ZNF12: variants seen among roughly 807,000 people sequenced by gnomAD.
ZNF12 encodes gonadotropin inducible transcription repressor 3.
Under a neutral mutation model 66.6 loss-of-function variants are expected in ZNF12, and 34 were observed. That is an observed-to-expected ratio of 0.51 (90% CI 0.39 to 0.68). ZNF12 has a LOEUF of 0.68. Among genes scored for constraint, ZNF12 ranks in the 30% least tolerant of loss-of-function variants. The probability of loss-of-function intolerance (pLI) is 0.00; values close to 1 mark genes in which losing one functional copy is unlikely to be tolerated. For missense variants in ZNF12, 697 were observed against 826.9 expected, an observed-to-expected ratio of 0.84 and a Z score of 1.93; for synonymous variants, 320 against 278.9, an observed-to-expected ratio of 1.15 and a Z score of -1.47.
intron 2 of ZNF12, among the ~76,000 whole-genome samples, chr7:6,704,513 G>T (rs1449246497): frequency 6.9e-6 from 1 of 144,570 alleles, no homozygotes; most frequent in African/African-American, 2.6e-5. Flanking sequence ...TGGATCACCT[G>T]AGCTCAGGAG....
At position 6,692,806 on chromosome 7, in the gene ZNF12, T is replaced by G. The variant is rs925788169; in HGVS notation, c.239-103A>C. ...ACACACGCATCTCATTGTGAGTAGA[T>G]GCTAGCTTCATGAACAGATGAAAAT... On this transcript the variant is annotated intron_variant, in intron 4 of 4. Coordinates refer to ENST00000405858, the MANE Select transcript of ZNF12 (RefSeq NM_016265.4). The surrounding 1 kb of genome is among the most constrained non-coding windows in gnomAD (Gnocchi z 5.1). 2.1e-5 allele frequency: 24 copies of G among 1,167,754 alleles called. No homozygotes were observed. The highest frequency in any genetic ancestry group is 2.6e-5 in the Non-Finnish European group (22 of 843,708). The allele number at this position is 1,167,754 out of a possible 1,614,324, so 72.3% of individuals were successfully genotyped here. A position where few individuals can be genotyped will look rare whatever the true frequency, so the allele number is the denominator to read the frequency against.
chr7:6,702,150 G>C (rs1780255018), intron 2 of ZNF12, among the ~76,000 whole-genome samples: 1 of 151,954 alleles, frequency 6.6e-6, no homozygotes, highest in Admixed American at 6.6e-5. Flanking sequence ...TGACACAGTT[G>C]ATCACCTGTC....
Position 6,690,754 on chromosome 7 carries a change from G to A in ZNF12, c.*94C>T. The A allele has an allele frequency of 7.7e-7, 1 of 1,292,582 alleles. No individual in the cohort carries two copies. The highest frequency in any genetic ancestry group is 1.0e-6 in the Non-Finnish European group (1 of 958,446). The allele number at this position is 1,292,582 out of a possible 1,614,324, so 80.1% of individuals were successfully genotyped here. Reference sequence around the variant, plus strand: ...CAAGGGGATGTCCACACTAACCTGTGTGAACTCTCTGATGTACAAGGTGTT... The same window carrying A: ...CAAGGGGATGTCCACACTAACCTGTATGAACTCTCTGATGTACAAGGTGTT... On this transcript the variant is annotated 3_prime_UTR_variant, in exon 5 of 5. Transcript: ENST00000405858.
At position 6,692,231 on chromosome 7, in the gene ZNF12, T is replaced by C; in HGVS notation, c.711A>G (p.Glu237=). 1.9e-6 allele frequency: 3 copies of C among 1,613,980 alleles called. No homozygotes were observed. The highest frequency in any genetic ancestry group is 1.1e-5 in the South Asian group (1 of 91,072). ...ATCCATTCCACTTATAGGGCTTTTC[T>C]TCCATGTGATTAACAAAAACAGTGT... ...QKDTVFVNHM[E]EKPYKWNGSE... is the part of the protein sequence containing the mutation. Residue 237 remains glutamate (E), a synonymous_variant, in exon 5 of 5, where the codon GAA becomes GAG. Coordinates refer to ENST00000405858, the MANE Select transcript of ZNF12 (RefSeq NM_016265.4). This position sits in a 1 kb window ranked among gnomAD's most constrained non-coding sequence, Gnocchi z 5.1.
Position 6,692,874 on chromosome 7 carries a change from TACACACACACAAAC to T in ZNF12, c.239-185_239-172del, listed in dbSNP as rs890920051. On this transcript the variant is annotated intron_variant, in intron 4 of 4. Coordinates refer to ENST00000405858, the MANE Select transcript of ZNF12 (RefSeq NM_016265.4). This position sits in a 1 kb window ranked among gnomAD's most constrained non-coding sequence, Gnocchi z 5.1. ...TCTCCTTTATGCTTTTGCTTAAAATTACACACACACAAACACACACACACACACACATCCCCCTC... is the reference window on the plus strand; with the variant it reads ...TCTCCTTTATGCTTTTGCTTAAAATTACACACACACACACACATCCCCCTC... 6.7e-6 allele frequency among the ~76,000 whole-genome samples: 1 copy of T among 149,766 alleles called. No homozygotes were observed.
At chr7:6,694,864 C>T (rs763138065) in intron 4 of ZNF12, among the ~76,000 whole-genome samples, 6 of 152,194 alleles carry the variant, frequency 3.9e-5, no homozygotes, top group Non-Finnish European at 7.3e-5. Flanking sequence ...AGTGACTCAG[C>T]CTTGCATTGG....
At chr7:6,694,213 C>T (rs996802669) in intron 4 of ZNF12, among the ~76,000 whole-genome samples, 2 of 151,896 alleles carry the variant, frequency 1.3e-5, no homozygotes, top group Non-Finnish European at 2.9e-5. Flanking sequence ...AATCAGATCC[C>T]TTACCATGCT....
chr7:6,699,054 A>G (rs930137584), intron 2 of ZNF12, among the ~76,000 whole-genome samples: 1 of 152,238 alleles, frequency 6.6e-6, no homozygotes, highest in African/African-American at 2.4e-5. Flanking sequence ...AATTAACCAT[A>G]AAACACAGAA....
At chr7:6,693,314 T>C (rs1780102984) in intron 4 of ZNF12, among the ~76,000 whole-genome samples, 1 of 152,232 alleles carries the variant, frequency 6.6e-6, no homozygotes, top group Admixed American at 6.5e-5. Flanking sequence ...CTCCTCATGT[T>C]TAAAGGAACA....
Position 6,691,249 on chromosome 7 carries a change from T to G in ZNF12, c.1693A>C (p.Thr565Pro). ...CCTGAATGAATTCTATGATGTATAGTGAGGTATGACATCTGAGAGAAGAAT... is the reference window on the plus strand; with the variant it reads ...CCTGAATGAATTCTATGATGTATAGGGAGGTATGACATCTGAGAGAAGAAT... ...GKFFSQMSYL[T>P]IHHRIHSGEK... is the part of the protein sequence containing the mutation. The change falls in exon 5 of 5, where the codon ACT (threonine) becomes CCT (proline). Residue 565 changes from threonine to proline, a missense_variant. By Grantham distance (38) the Thr-to-Pro change is conservative. Coordinates refer to ENST00000405858, the MANE Select transcript of ZNF12 (RefSeq NM_016265.4). 1 of 1,614,148 alleles carries G rather than the reference T, an allele frequency of 6.2e-7. No individual in the cohort carries two copies. The highest frequency in any genetic ancestry group is 8.5e-7 in the Non-Finnish European group (1 of 1,180,000).
chr7:6,695,524 G>A (rs1320233907), intron 4 of ZNF12, among the ~76,000 whole-genome samples: 3 of 152,164 alleles, frequency 2.0e-5, no homozygotes, highest in African/African-American at 4.8e-5. Context: ...ATATTTAGAA[G>A]TAACTGCCTG....
chr7:6,693,942 C>T (rs57812822), intron 4 of ZNF12, among the ~76,000 whole-genome samples: 14,524 of 151,832 alleles, frequency 0.096, 1,369 homozygotes, highest in African/African-American at 0.25. Context: ...CTGAGGCGGG[C>T]GGATCACTTG....
Position 6,697,311 on chromosome 7 carries a change from G to T in ZNF12, c.238+28C>A. ...CTGGGAAAAACACTCCCAAGTTACC[G>T]ATCTCCTCACTGCCTCCACTAACAC... is the stretch of plus-strand genomic sequence containing the variant. On this transcript the variant is annotated intron_variant, in intron 4 of 4. Transcript: ENST00000405858. The surrounding 1 kb of genome is among the most constrained non-coding windows in gnomAD (Gnocchi z 6.1). The T allele has an allele frequency of 1.3e-6, 2 of 1,552,708 alleles. No individual in the cohort carries two copies. The highest frequency in any genetic ancestry group is 1.8e-6 in the Non-Finnish European group (2 of 1,136,936).
rs927166561 is a variant in ZNF12, at chr7:6,705,524, G to C, written c.-50-301C>G. ...ATTTAAAAAGGAATTCTGGTGACCAGCCTGGCCAACATGGTGAAACCCCAT... is the reference window on the plus strand; with the variant it reads ...ATTTAAAAAGGAATTCTGGTGACCACCCTGGCCAACATGGTGAAACCCCAT... On this transcript the variant is annotated intron_variant, in intron 1 of 4. Transcript: ENST00000405858. The surrounding 1 kb of genome is among the most constrained non-coding windows in gnomAD (Gnocchi z 4.0). Among the ~76,000 whole-genome samples, 1 of 152,184 alleles carries C rather than the reference G, an allele frequency of 6.6e-6. No individual in the cohort carries two copies. The highest frequency in any genetic ancestry group is 2.4e-5 in the African/African-American group (1 of 41,452).
In ZNF12 at chr7:6,691,548, T is replaced by C; in HGVS notation, c.1394A>G (p.Tyr465Cys). 6.2e-7 allele frequency: 1 copy of C among 1,614,152 alleles called. No individual in the cohort carries two copies. The highest frequency in any genetic ancestry group is 8.5e-7 in the Non-Finnish European group (1 of 1,179,992). The stretch of plus-strand genomic sequence containing the variant: ...GGTTTTTCCACATTCATTACATTCA[T>C]AGGGTTTCTCTCCTGAATGAGTTCT... Reference protein sequence around the residue: ...HYRTHSGEKPYECNECGKTFY... With the variant: ...HYRTHSGEKPCECNECGKTFY... Residue 465 changes from tyrosine to cysteine, a missense_variant, in exon 5 of 5, where the codon TAT becomes TGT. By Grantham distance (194) the Tyr-to-Cys change is radical. Around this residue, in one of 3 missense-constraint regions of ZNF12, gnomAD observed 401 missense variants for 519.0 expected, o/e 0.77. Coordinates refer to ENST00000405858, the MANE Select transcript of ZNF12 (RefSeq NM_016265.4).
chr7:6,706,526 T>A lies in ZNF12; in HGVS notation c.-145A>T, dbSNP rs912742466. The A allele has an allele frequency of 1.1e-5, 5 of 472,052 alleles. No homozygotes were observed. Among genetic ancestry groups the A allele is most frequent in the Admixed American group, 2.3e-5 (1 of 44,038 alleles). 29.2% of individuals were successfully genotyped at this position (472,052 alleles called of 1,614,324 possible). On this transcript the variant is annotated 5_prime_UTR_variant, in exon 1 of 5. Coordinates refer to ENST00000405858, the MANE Select transcript of ZNF12 (RefSeq NM_016265.4). ...CGCGTCTGCTCGCGAGGTCCCTTCC[T>A]GTCCACCTCACCAAGGCCGTTCTGC...
At chr7:6,700,433 T>C (rs1780222428) in intron 2 of ZNF12, among the ~76,000 whole-genome samples, 1 of 152,054 alleles carries the variant, frequency 6.6e-6, no homozygotes, top group Non-Finnish European at 1.5e-5. Flanking sequence ...ATAGATCGTA[T>C]ATATTTGAGT....
At position 6,691,253 on chromosome 7, in the gene ZNF12, G is replaced by A. The variant is rs779183592; in HGVS notation, c.1689C>T (p.Tyr563=). ...ICGKFFSQMS[Y]LTIHHRIHSG... ...AATGAATTCTATGATGTATAGTGAG[G>A]TATGACATCTGAGAGAAGAATTTTC... Residue 563 remains tyrosine, a synonymous_variant, in exon 5 of 5, where the codon TAC becomes TAT. Transcript: ENST00000405858. 2 of 1,613,678 alleles carry A rather than the reference G, an allele frequency of 1.2e-6. No individual in the cohort carries two copies. Among genetic ancestry groups the A allele is most frequent in the South Asian group, 1.1e-5 (1 of 91,056 alleles).
Position 6,691,414 on chromosome 7 carries a change from T to A in ZNF12, c.1528A>T (p.Ile510Phe). ...KLFSQLSYLT[I>F]HHRTHSGVKP... The stretch of plus-strand genomic sequence containing the variant: ...ACTCCTGAATGAGTTCTATGATGGA[T>A]AGTGAGGTATGACAACTGGGAGAAT... The change falls in exon 5 of 5, where the codon ATC becomes TTC. Residue 510 changes from isoleucine to phenylalanine, a missense_variant. Physicochemically the swap from Ile to Phe is conservative, Grantham distance 21. Around this residue, in one of 3 missense-constraint regions of ZNF12, gnomAD observed 401 missense variants for 519.0 expected, o/e 0.77. Transcript: ENST00000405858. 1.2e-6 allele frequency: 2 copies of A among 1,613,958 alleles called. No individual in the cohort carries two copies. Among genetic ancestry groups the A allele is most frequent in the Non-Finnish European group, 1.7e-6 (2 of 1,179,906 alleles).
Sources: allele counts gnomAD v4.1 joint callset (sites outside exome capture counted in the v4.1 genomes callset), GRCh38; gene constraint gnomAD v4.1.1; regional missense constraint gnomAD v4.1.1; non-coding constraint Gnocchi (gnomAD v3.1); transcripts MANE v1.5; gene names NCBI Gene and HGNC (gene_info 2026-07-23, HGNC 2026-07-21).